The following DIAPH2 variants were observed in gnomAD, a reference collection of about 807,000 sequenced individuals.
DIAPH2 encodes the protein diaphanous related formin 2, also known as protein diaphanous homolog 2.
Under a neutral mutation model 92.7 loss-of-function variants are expected in DIAPH2, and 35 were observed. The observed-to-expected ratio is 0.38, with a 90% CI of 0.29 to 0.50. DIAPH2 has a LOEUF of 0.50. Ranked by LOEUF, DIAPH2 falls within the 20% of genes least tolerant of loss-of-function variation. The pLI is 0.94. For synonymous variants in DIAPH2, 301 were observed against 280.4 expected, an observed-to-expected ratio of 1.07 and a Z score of -0.73; for missense variants, 701 against 819.5, an observed-to-expected ratio of 0.86 and a Z score of 1.77.
At chrX:97,140,126 T>A (rs1158108145) in intron 21 of DIAPH2, among the ~76,000 whole-genome samples, 2 of 111,847 alleles carry the variant, frequency 1.8e-5, no homozygotes, top group South Asian at 3.7e-4. Flanking sequence ...ACCTGCAATT[T>A]TTTCTAAGCA....
At chrX:97,448,324 A>T (rs1307907724) in intron 26 of DIAPH2, among the ~76,000 whole-genome samples, 1 of 112,379 alleles carries the variant, frequency 8.9e-6, no homozygotes, top group Non-Finnish European at 1.9e-5. Context: ...AGATTTTGTA[A>T]CAGGAAAACA....
chrX:96,889,644 T>TAA (rs1409038977), intron 5 of DIAPH2, among the ~76,000 whole-genome samples: 1 of 111,907 alleles, frequency 8.9e-6, no homozygotes, highest in Non-Finnish European at 1.9e-5. Flanking sequence ...TACATTCCAG[T>TAA]ACAGGAATTC....
At chrX:97,245,088 TAA>T (rs34947451) in intron 22 of DIAPH2, among the ~76,000 whole-genome samples, 8 of 94,560 alleles carry the variant, frequency 8.5e-5, no homozygotes, top group Non-Finnish European at 6.4e-5. Context: ...AGACTCCGTC[TAA>T]AAAAAAAAAA....
chrX:96,894,907 T>C (rs1367229113), intron 5 of DIAPH2, among the ~76,000 whole-genome samples: 1 of 107,878 alleles, frequency 9.3e-6, no homozygotes, highest in Non-Finnish European at 1.9e-5. Flanking sequence ...AAGTTAAGAA[T>C]AAATCGCTAT....
At chrX:96,900,519 T>C (rs1276826888) in intron 5 of DIAPH2, among the ~76,000 whole-genome samples, 1 of 111,647 alleles carries the variant, frequency 9.0e-6, no homozygotes, top group African/African-American at 3.3e-5. Flanking sequence ...TAAATAGAAA[T>C]GGTGAAAGTA....
At chrX:96,800,728 C>A (rs1051747995) in intron 4 of DIAPH2, among the ~76,000 whole-genome samples, 3 of 112,033 alleles carry the variant, frequency 2.7e-5, no homozygotes, top group African/African-American at 9.7e-5. Context: ...TTATGTATAG[C>A]TTTAAAAAGG....
At chrX:97,298,234 GT>G (rs753905645) in intron 23 of DIAPH2, among the ~76,000 whole-genome samples, 1,131 of 88,485 alleles carry the variant, frequency 0.013, 22 homozygotes, top group African/African-American at 0.041. Context: ...AGTTTTTCAG[GT>G]TTTTTTTTTT....
intron 26 of DIAPH2, 70 bp from the exon 27 acceptor site, chrX:97,599,183 C>A: frequency 1.3e-6 from 1 of 770,260 alleles, no homozygotes. Context: ...CCTTTCTCAA[C>A]CTAACATCAT....
chrX:96,738,048 T>C lies in DIAPH2; in HGVS notation c.166-538T>C, dbSNP rs910780689. 1.3e-4 allele frequency among the ~76,000 whole-genome samples: 14 copies of C among 111,892 alleles called. No individual in the cohort carries two copies. The Admixed American group carries it at 1.3e-3, about 11-fold the overall frequency. On this transcript the variant is annotated intron_variant, in intron 2 of 26. Coordinates refer to ENST00000324765, the MANE Select transcript of DIAPH2 (RefSeq NM_006729.5). Reference sequence around the variant, plus strand: ...TTCACAAGGTTACTCAGCTAGTAAATGGCAGAGCTTGGACTGAAACCCAAG... The same window carrying C: ...TTCACAAGGTTACTCAGCTAGTAAACGGCAGAGCTTGGACTGAAACCCAAG...
At chrX:97,414,715 C>T (rs763726457) in intron 25 of DIAPH2, among the ~76,000 whole-genome samples, 2 of 106,510 alleles carry the variant, frequency 1.9e-5, no homozygotes, top group African/African-American at 6.8e-5. Context: ...AAAAATTAAT[C>T]AAGATGGATT....
chrX:97,592,812 G>T (rs2071526422), intron 26 of DIAPH2, among the ~76,000 whole-genome samples: 1 of 111,741 alleles, frequency 8.9e-6, no homozygotes, highest in Non-Finnish European at 1.9e-5. Flanking sequence ...AGTAGCCTCT[G>T]AACTATTTTA....
intron 23 of DIAPH2, among the ~76,000 whole-genome samples, chrX:97,268,367 A>G (rs763514829): frequency 8.9e-6 from 1 of 112,810 alleles, no homozygotes; most frequent in South Asian, 3.6e-4. Flanking sequence ...TTTTAATTGT[A>G]ATTCAAATCA....
At chrX:97,533,792 A>C (rs778523753) in intron 26 of DIAPH2, among the ~76,000 whole-genome samples, 2 of 111,903 alleles carry the variant, frequency 1.8e-5, no homozygotes, top group South Asian at 7.5e-4. Flanking sequence ...AATCTTTACC[A>C]CAACAGTTGC....
chrX:97,242,636 G>A (rs910655537), intron 22 of DIAPH2, among the ~76,000 whole-genome samples: 1 of 110,843 alleles, frequency 9.0e-6, no homozygotes, highest in African/African-American at 3.3e-5. Context: ...AAAGTGCTGG[G>A]ATTACAGGCA....
intron 23 of DIAPH2, among the ~76,000 whole-genome samples, chrX:97,279,654 C>A (rs1368946898): frequency 9.0e-6 from 1 of 111,216 alleles, no homozygotes; most frequent in Middle Eastern, 4.2e-3. Flanking sequence ...AATTCTTTAA[C>A]GTTCTTAAGG....
At chrX:97,410,190 T>C (rs1314723113) in intron 25 of DIAPH2, among the ~76,000 whole-genome samples, 1 of 111,721 alleles carries the variant, frequency 9.0e-6, no homozygotes, top group Admixed American at 9.4e-5. Context: ...CAGGCAGCAA[T>C]ATTTGCTGTT....
intron 21 of DIAPH2, among the ~76,000 whole-genome samples, chrX:97,128,997 T>C (rs2067112039): frequency 9.0e-6 from 1 of 111,022 alleles, no homozygotes; most frequent in Admixed American, 9.6e-5. Flanking sequence ...AATTCATTTA[T>C]CTTGGGTAAA....
chrX:97,470,280 C>T (rs2070551339), intron 26 of DIAPH2, among the ~76,000 whole-genome samples: 1 of 111,388 alleles, frequency 9.0e-6, no homozygotes, highest in Non-Finnish European at 1.9e-5. Context: ...TCCATATTTT[C>T]AAGAACTTCA....
chrX:97,078,060 A>T (rs1252374199), intron 19 of DIAPH2, among the ~76,000 whole-genome samples: 3 of 111,974 alleles, frequency 2.7e-5, no homozygotes, highest in Non-Finnish European at 5.6e-5. Context: ...GCTTTTTAGG[A>T]TATCAGTGGT....
Sources: allele counts gnomAD v4.1 joint callset (sites outside exome capture counted in the v4.1 genomes callset), GRCh38; gene constraint gnomAD v4.1.1; transcripts MANE v1.5; gene names NCBI Gene and HGNC (gene_info 2026-07-23, HGNC 2026-07-21).